Variants in NLRP12 observed in about 807,000 individuals in gnomAD.
NLRP12 encodes the protein NACHT, LRR and PYD domains-containing protein 12.
Under a neutral mutation model 91.2 loss-of-function variants are expected in NLRP12, and 108 were observed. The observed-to-expected ratio is 1.18, with a 90% CI of 1.01 to 1.39. The LOEUF (loss-of-function observed/expected upper bound fraction) is 1.39, where lower values mean the gene tolerates loss of function less well. NLRP12 is among the 40% of genes most tolerant of loss of function. The pLI is 0.00. For missense variants in NLRP12, 1,530 were observed against 1,352.7 expected (o/e 1.13, Z -2.06); for synonymous variants, 613 against 566.7 (o/e 1.08, Z -1.16).
chr19:53,807,773 G>A (rs1409296060), intron 3 of NLRP12, 108 bp from the exon 4 acceptor site: 22 of 1,323,826 alleles, frequency 1.7e-5, no homozygotes, highest in East Asian at 2.4e-5. Context: ...TTTTTGAGAC[G>A]GAGTTTCGCT....
chr19:53,796,985 TA>T lies in NLRP12; in HGVS notation c.2928-957del, dbSNP rs951395965. ...CCAGGGTGACAGGGAGACCCTGTTT[TA>T]AAAAAAAAAAAAATCCCAAATAAAC... On this transcript the variant is annotated intron_variant, in intron 8 of 9. Coordinates refer to ENST00000324134, the MANE Select transcript of NLRP12 (RefSeq NM_144687.4). 3.3e-3 allele frequency among the ~76,000 whole-genome samples: 467 copies of T among 141,490 alleles called. 1 individual carries two copies. The highest frequency in any genetic ancestry group is 7.2e-3 in the Middle Eastern group (2 of 278). 92.8% of individuals were successfully genotyped at this position (141,490 alleles called of 152,430 possible).
In NLRP12 at chr19:53,795,115, T is replaced by C. The variant is rs865823809; in HGVS notation, c.3098+744A>G. ...ACCATACCTGGTGTGTGCGTGTGTG[T>C]GTGTGTGTGTGTGTGTGTGTGTAAA... On this transcript the variant is annotated intron_variant, in intron 9 of 9. Transcript: ENST00000324134. 3.3e-5 allele frequency among the ~76,000 whole-genome samples: 5 copies of C among 150,090 alleles called. No homozygotes were observed. In the East Asian group the frequency reaches 9.8e-4, roughly 29 times the overall value.
chr19:53,818,819 G>T (rs118159945), intron 1 of NLRP12, among the ~76,000 whole-genome samples: 1 of 152,272 alleles, frequency 6.6e-6, no homozygotes, highest in East Asian at 1.9e-4. Context: ...TGCTGATTCA[G>T]AATCACGGGT....
chr19:53,819,561 GTA>G (rs1210188068), intron 1 of NLRP12, among the ~76,000 whole-genome samples: 7,104 of 106,320 alleles, frequency 0.067, 2,803 homozygotes, highest in Middle Eastern at 0.11. Context: ...GTATGTATAC[GTA>G]TATATATGCG....
intron 1 of NLRP12, among the ~76,000 whole-genome samples, chr19:53,819,571 G>GCGTATATATGTATGTATACGTATACA (rs1555799097): frequency 1.2e-5 from 1 of 82,266 alleles, no homozygotes; most frequent in Non-Finnish European, 2.7e-5. Flanking sequence ...GTATATATAT[G>GCGTATATATGTATGTATACGTATACA]CGTATATATG....
At chr19:53,820,920 C>A (rs551736371) in intron 1 of NLRP12, among the ~76,000 whole-genome samples, 1 of 151,984 alleles carries the variant, frequency 6.6e-6, no homozygotes, top group East Asian at 1.9e-4. Flanking sequence ...ATCTCTGCCA[C>A]TTCAGCAATA....
chr19:53,814,902 G>A lies in NLRP12; in HGVS notation c.370+6C>T. ...AATACATGTAGGTACATGGCTTGAG[G>A]CTCACCTTTTCTTGGAGTGACAAGA... is the stretch of plus-strand genomic sequence containing the variant. On this transcript the variant is annotated splice_donor_region_variant and intron_variant, in intron 2 of 9. Coordinates refer to ENST00000324134, the MANE Select transcript of NLRP12 (RefSeq NM_144687.4). The A allele has an allele frequency of 6.2e-7, 1 of 1,610,982 alleles. No homozygotes were observed. The highest frequency in any genetic ancestry group is 8.5e-7 in the Non-Finnish European group (1 of 1,177,110).
intron 8 of NLRP12, among the ~76,000 whole-genome samples, chr19:53,797,030 A>G (rs927569461): frequency 1.3e-5 from 2 of 152,032 alleles, no homozygotes; most frequent in African/African-American, 4.8e-5. Flanking sequence ...GCCTCATCCC[A>G]TTCTAAGTCC....
Position 53,807,685 on chromosome 19 carries a change from G to GCCA in NLRP12, c.2073-23_2073-21dup, listed in dbSNP as rs2091984402. ...TCTGGTCTGCTTGAAGGAAAGACAG[G>GCCA]CCACTCTCTGGTGTTACTGGTGCTT... On this transcript the variant is annotated intron_variant, in intron 3 of 9. Coordinates refer to ENST00000324134, the MANE Select transcript of NLRP12 (RefSeq NM_144687.4). The GCCA allele has an allele frequency of 6.2e-7, 1 of 1,613,806 alleles. No individual in the cohort carries two copies. The highest frequency in any genetic ancestry group is 1.1e-5 in the South Asian group (1 of 91,088).
intron 6 of NLRP12, among the ~76,000 whole-genome samples, chr19:53,802,210 A>C (rs1470597147): frequency 2.6e-5 from 4 of 151,046 alleles, no homozygotes; most frequent in Non-Finnish European, 5.9e-5. Flanking sequence ...CTGGGCAACA[A>C]GAGTGGAACT....
In NLRP12 at chr19:53,810,808, CGGAT is replaced by C; in HGVS notation, c.847_850del (p.Ile283GlufsTer44). On this transcript the variant is annotated frameshift_variant, in exon 3 of 10. Transcript: ENST00000324134. LOFTEE classifies it high-confidence loss of function. ...GATGAAAAGGAGGCGCTCGGGAACT[CGGAT>C]GAGCTCCTGGAGAGGCGCGCTGGGC... 1.2e-6 allele frequency: 2 copies of C among 1,614,060 alleles called. No homozygotes were observed. Among genetic ancestry groups the C allele is most frequent in the Non-Finnish European group, 1.7e-6 (2 of 1,180,034 alleles).
chr19:53,813,096 G>A (rs2092101804), intron 2 of NLRP12, among the ~76,000 whole-genome samples: 2 of 151,598 alleles, frequency 1.3e-5, no homozygotes, highest in African/African-American at 4.8e-5. Context: ...GGCCAGGCTG[G>A]TTTCGAACTC....
At chr19:53,820,670 C>T (rs954349775) in intron 1 of NLRP12, among the ~76,000 whole-genome samples, 1 of 149,716 alleles carries the variant, frequency 6.7e-6, no homozygotes, top group Non-Finnish European at 1.5e-5. Context: ...ATAGTGAGAC[C>T]CTATCTCTAA....
chr19:53,798,154 A>T (rs927975117), intron 8 of NLRP12, 89 bp downstream of exon 8: 55 of 1,347,848 alleles, frequency 4.1e-5, no homozygotes, highest in Non-Finnish European at 5.4e-5. Flanking sequence ...GTGAAGCAGG[A>T]TAGTTCATAA....
intron 6 of NLRP12, among the ~76,000 whole-genome samples, chr19:53,802,908 C>G (rs983204851): frequency 6.6e-6 from 1 of 152,036 alleles, no homozygotes; most frequent in African/African-American, 2.4e-5. Flanking sequence ...TACCACCCAC[C>G]CCAGCTAATT....
intron 1 of NLRP12, among the ~76,000 whole-genome samples, chr19:53,822,098 C>T (rs957371026): frequency 1.6e-4 from 24 of 152,038 alleles, no homozygotes; most frequent in African/African-American, 7.2e-5. Flanking sequence ...ACTGGGGACT[C>T]GTGGCGGGGA....
In NLRP12 at chr19:53,807,709, T is replaced by G. The variant is rs754225024; in HGVS notation, c.2073-44A>C. On this transcript the variant is annotated intron_variant, in intron 3 of 9. Coordinates refer to ENST00000324134, the MANE Select transcript of NLRP12 (RefSeq NM_144687.4). ...GGCCACTCTCTGGTGTTACTGGTGC[T>G]TGACAACTATGGCCTTTGCATGTCA... The G allele has an allele frequency of 9.4e-6, 15 of 1,602,712 alleles. No homozygotes were observed. The East Asian group carries it at 3.1e-4, about 33-fold the overall frequency.
chr19:53,812,412 CAA>C (rs59986011), intron 2 of NLRP12, among the ~76,000 whole-genome samples: 10,294 of 118,336 alleles, frequency 0.087, 414 homozygotes, highest in African/African-American at 0.098. Flanking sequence ...GACTCTGCCT[CAA>C]AAAAAAAAAA....
intron 1 of NLRP12, among the ~76,000 whole-genome samples, chr19:53,818,396 G>A (rs535176332): frequency 3.3e-5 from 5 of 152,092 alleles, no homozygotes; most frequent in South Asian, 4.2e-4. Flanking sequence ...AGGCCAGCGC[G>A]GTGGCTCACG....
Sources: allele counts gnomAD v4.1 joint callset (sites outside exome capture counted in the v4.1 genomes callset), GRCh38; gene constraint gnomAD v4.1.1; transcripts MANE v1.5; gene names NCBI Gene and HGNC (gene_info 2026-07-23, HGNC 2026-07-21).